Variants in LIG1 observed in about 807,000 individuals in gnomAD.
LIG1 encodes the protein DNA ligase 1.
Under a neutral mutation model 115.7 loss-of-function variants are expected in LIG1, and 70 were observed. The observed-to-expected ratio is 0.60, with a 90% CI of 0.50 to 0.74. The LOEUF is 0.74. Ranked by LOEUF, LIG1 falls within the 30% of genes least tolerant of loss-of-function variation. LIG1 has a pLI of 0.00. For missense variants in LIG1, 1,115 were observed against 1,225.6 expected (o/e 0.91, Z 1.35); for synonymous variants, 487 against 495.3 (o/e 0.98, Z 0.22).
chr19:48,151,435 G>GTTC, intron 6 of LIG1, 96 bp from the exon 7 acceptor site: 1 of 822,174 alleles, frequency 1.2e-6, no homozygotes, highest in Non-Finnish European at 2.1e-6. Flanking sequence ...TCTGTCATCT[G>GTTC]TTCTTTTTTT....
In LIG1 at chr19:48,122,946, G is replaced by T; in HGVS notation, c.2220C>A (p.His740Gln). Residue 740 changes from histidine to glutamine, a missense_variant, in exon 23 of 28, where the codon CAC becomes CAA. Physicochemically the swap from His to Gln is conservative, Grantham distance 24 (BLOSUM62 0). Coordinates refer to ENST00000263274, the MANE Select transcript of LIG1 (RefSeq NM_000234.3). The surrounding 1 kb of genome is among the most constrained non-coding windows in gnomAD (Gnocchi z 4.3). The stretch of plus-strand genomic sequence containing the variant: ...GGTCGAGAATCACCTTGAGCCAGTT[G>T]TGCGATCTCTTGGCGATCTCGTAGG... ...DATYEIAKRSHNWLKLKKDYL... is the reference protein window; with the variant it reads ...DATYEIAKRSQNWLKLKKDYL... The T allele has an allele frequency of 6.2e-7, 1 of 1,613,586 alleles. No individual in the cohort carries two copies. The highest frequency in any genetic ancestry group is 8.5e-7 in the Non-Finnish European group (1 of 1,179,910).
At chr19:48,160,323 T>C (rs753545672) in intron 4 of LIG1, among the ~76,000 whole-genome samples, 6 of 152,032 alleles carry the variant, frequency 3.9e-5, no homozygotes, top group Non-Finnish European at 5.9e-5. Context: ...GAGCCAGGCG[T>C]GTATCTGGGA....
At chr19:48,127,170 C>A (rs1183715061) in intron 21 of LIG1, 107 bp downstream of exon 21, 12 of 899,350 alleles carry the variant, frequency 1.3e-5, no homozygotes, top group Non-Finnish European at 2.0e-5. Context: ...GGCTTCCTGG[C>A]CATGTGAAGT....
intron 16 of LIG1, 129 bp downstream of exon 16, chr19:48,135,551 C>G: frequency 1.3e-6 from 1 of 795,742 alleles, no homozygotes; most frequent in South Asian, 1.3e-5. Flanking sequence ...CTCTCAGTCA[C>G]CCCGTGACCG....
In LIG1 at chr19:48,151,835, T is replaced by C. The variant is rs79550193; in HGVS notation, c.467-496A>G. Among the ~76,000 whole-genome samples the C allele has an allele frequency of 6.8e-3, 1,029 of 152,184 alleles. 14 individuals carry two copies. Among genetic ancestry groups the C allele is most frequent in the African/African-American group, 0.023 (949 of 41,516 alleles). ...CCCGTTTGCCTATGTAGCCGAGACA[T>C]AAATGGTGTGTCTTTCCTTACCAAT... On this transcript the variant is annotated intron_variant, in intron 6 of 27. Coordinates refer to ENST00000263274, the MANE Select transcript of LIG1 (RefSeq NM_000234.3).
intron 16 of LIG1, 119 bp downstream of exon 16, chr19:48,135,561 G>A (rs571611865): frequency 2.4e-5 from 20 of 825,518 alleles, no homozygotes; most frequent in South Asian, 4.0e-5. Context: ...CCCCGTGACC[G>A]GCACTCGTGA....
rs186216350 is a variant in LIG1 at position 48,130,086 on chromosome 19, A to G, written c.1821+990T>C. On this transcript the variant is annotated intron_variant, in intron 19 of 27. Transcript: ENST00000263274. ...ATGTTAGAATGATGAGAATGTGGAA[A>G]TATTTTATACATTCATTGGGGTGTC... is the stretch of plus-strand genomic sequence containing the variant. Among the ~76,000 whole-genome samples, 46 of 152,384 alleles carry G rather than the reference A, an allele frequency of 3.0e-4. No individual in the cohort carries two copies. The East Asian group carries it at 7.5e-3, about 25-fold the overall frequency.
intron 21 of LIG1, among the ~76,000 whole-genome samples, chr19:48,125,748 G>C (rs543586959): frequency 2.6e-5 from 4 of 152,204 alleles, no homozygotes; most frequent in African/African-American, 7.2e-5. Context: ...CCAGCACTTT[G>C]GGAGGCTGAG....
At chr19:48,117,602 CCA>C in intron 26 of LIG1, 34 bp downstream of exon 26, 1 of 1,607,622 alleles carries the variant, frequency 6.2e-7, no homozygotes, top group Non-Finnish European at 8.5e-7. Flanking sequence ...GCCCAGAATC[CCA>C]CACAGGGCCA....
At chr19:48,131,318 A>C (rs1437359985) in intron 18 of LIG1, 147 bp from the exon 19 acceptor site, 1 of 662,022 alleles carries the variant, frequency 1.5e-6, no homozygotes, top group Non-Finnish European at 2.8e-6. Context: ...TCATCTCCTC[A>C]GTTCCAACAG....
chr19:48,137,030 A>G lies in LIG1; in HGVS notation c.1309T>C (p.Ser437Pro), dbSNP rs755495489. 1.2e-6 allele frequency: 2 copies of G among 1,612,106 alleles called. No individual in the cohort carries two copies. Among genetic ancestry groups the G allele is most frequent in the Admixed American group, 3.4e-5 (2 of 59,682 alleles). Residue 437 changes from serine (S) to proline (P), a missense_variant, in exon 14 of 28, where the codon TCA becomes CCA. Physicochemically the swap from Ser to Pro is moderately conservative, Grantham distance 74 (BLOSUM62 -1). Transcript: ENST00000263274. This position sits in a 1 kb window ranked among gnomAD's most constrained non-coding sequence, Gnocchi z 4.3. Reference protein sequence around the residue: ...IKGLFVACRHSEARFIARSLS... With the variant: ...IKGLFVACRHPEARFIARSLS... Reference sequence around the variant, plus strand: ...TACCTAGCGATGAACCGGGCTTCTGAGTGGCGGCAGGCCACAAAGAGGCCT... The same window carrying G: ...TACCTAGCGATGAACCGGGCTTCTGGGTGGCGGCAGGCCACAAAGAGGCCT...
At chr19:48,151,164 T>C in intron 7 of LIG1, 68 bp downstream of exon 7, 1 of 875,528 alleles carries the variant, frequency 1.1e-6, no homozygotes. Context: ...AAATTAATCA[T>C]CCTCCAAAGA....
Position 48,122,663 on chromosome 19 carries a change from C to A in LIG1, c.2232+271G>T, listed in dbSNP as rs56122281. On this transcript the variant is annotated intron_variant, in intron 23 of 27. Coordinates refer to ENST00000263274, the MANE Select transcript of LIG1 (RefSeq NM_000234.3). The surrounding 1 kb of genome is among the most constrained non-coding windows in gnomAD (Gnocchi z 4.3). ...GCCCAAGAGCCTGGCCCGACACGGGCGGCAGGCTCAGGAGAGAGACACCTC... is the reference window on the plus strand; with the variant it reads ...GCCCAAGAGCCTGGCCCGACACGGGAGGCAGGCTCAGGAGAGAGACACCTC... Among the ~76,000 whole-genome samples, 3 of 152,168 alleles carry A rather than the reference C, an allele frequency of 2.0e-5. No homozygotes were observed. Among genetic ancestry groups the A allele is most frequent in the Non-Finnish European group, 4.4e-5 (3 of 68,034 alleles).
chr19:48,141,854 C>T (rs1197688626), intron 11 of LIG1, among the ~76,000 whole-genome samples: 2 of 152,180 alleles, frequency 1.3e-5, no homozygotes, highest in African/African-American at 4.8e-5. Flanking sequence ...TTGGATGGTG[C>T]AGTGGATGGA....
At chr19:48,141,305 A>T (rs1411448660) in intron 11 of LIG1, among the ~76,000 whole-genome samples, 1 of 151,908 alleles carries the variant, frequency 6.6e-6, no homozygotes, top group Non-Finnish European at 1.5e-5. Context: ...AATTTTTTTT[A>T]ATTTTTAGTA....
chr19:48,115,725 C>G lies in LIG1; in HGVS notation c.2684G>C (p.Cys895Ser). Residue 895 changes from cysteine (C) to serine (S), a missense_variant, in exon 28 of 28, where the codon TGT becomes TCT. Transcript: ENST00000263274. ...EQATTSAQVA[C>S]LYRKQSQIQN... ...AATCTGACTTTGCTTCCGGTACAAA[C>G]AGGCCACCTGCGGAGAGAGGGTGGG... The G allele has an allele frequency of 1.2e-6, 2 of 1,614,034 alleles. No individual in the cohort carries two copies. Among genetic ancestry groups the G allele is most frequent in the Non-Finnish European group, 1.7e-6 (2 of 1,179,872 alleles).
intron 3 of LIG1, among the ~76,000 whole-genome samples, chr19:48,161,824 G>GC (rs1333271072): frequency 4.0e-5 from 5 of 124,102 alleles, no homozygotes; most frequent in South Asian, 2.6e-4. Context: ...CTATTGGGAT[G>GC]CCTTTTTTTT....
rs1449310739 is a variant in LIG1 at position 48,127,019 on chromosome 19, T to C, written c.2004+258A>G. ...TCCTGCGTGCTTCTACGACACACTC[T>C]TCTCGTTGCAGGACCTGAGGAAGAT... On this transcript the variant is annotated intron_variant, in intron 21 of 27. Transcript: ENST00000263274. The C allele has an allele frequency of 5.8e-6, 3 of 518,906 alleles. No individual in the cohort carries two copies. In the African/African-American group the frequency reaches 5.9e-5, roughly 10 times the overall value. 32.1% of individuals were successfully genotyped at this position (518,906 alleles called of 1,614,324 possible).
intron 2 of LIG1, among the ~76,000 whole-genome samples, chr19:48,164,618 C>T (rs1243032727): frequency 1.3e-5 from 2 of 152,164 alleles, no homozygotes; most frequent in East Asian, 3.9e-4. Flanking sequence ...GAGGGGAGAG[C>T]CCGCCTGAGG....
Sources: allele counts gnomAD v4.1 joint callset (sites outside exome capture counted in the v4.1 genomes callset), GRCh38; gene constraint gnomAD v4.1.1; non-coding constraint Gnocchi (gnomAD v3.1); transcripts MANE v1.5; gene names NCBI Gene and HGNC (gene_info 2026-07-23, HGNC 2026-07-21).